The following TEX101 variants were observed in gnomAD, a reference collection of about 807,000 sequenced individuals.
TEX101 encodes testis-expressed protein 101.
Under a neutral mutation model 18.1 loss-of-function variants are expected in TEX101, and 10 were observed. The observed-to-expected ratio is 0.55, with a 90% CI of 0.34 to 0.94. The LOEUF (loss-of-function observed/expected upper bound fraction) is 0.94, where lower values mean the gene tolerates loss of function less well. Ranked by LOEUF, TEX101 falls within the 40% of genes least tolerant of loss-of-function variation. The probability of loss-of-function intolerance (pLI) is 0.02; values close to 1 mark genes in which losing one functional copy is unlikely to be tolerated. For missense variants in TEX101, 259 were observed against 298.9 expected (o/e 0.87, Z 0.98); for synonymous variants, 94 against 114.8 (o/e 0.82, Z 1.16).
At chr19:43,417,848 C>T in intron 4 of TEX101, 30 bp from the exon 5 acceptor site, 1 of 1,613,242 alleles carries the variant, frequency 6.2e-7, no homozygotes, top group African/African-American at 1.3e-5. Flanking sequence ...GCAGGACCTG[C>T]CCTTAACTGT....
chr19:43,413,193 C>T (rs1023112951), upstream of TEX101, among the ~76,000 whole-genome samples: 6 of 152,164 alleles, frequency 3.9e-5, no homozygotes, highest in African/African-American at 7.2e-5. Flanking sequence ...GTGGACCCCT[C>T]GAAGTTGTAA....
At chr19:43,410,132 G>A (rs938175591), upstream of TEX101, among the ~76,000 whole-genome samples, 1 of 152,222 alleles carries the variant, frequency 6.6e-6, no homozygotes, top group African/African-American at 2.4e-5. Flanking sequence ...TTTACAAGTA[G>A]GAAGGAAAAG....
chr19:43,410,964 C>G (rs769624604), upstream of TEX101, among the ~76,000 whole-genome samples: 2 of 152,174 alleles, frequency 1.3e-5, no homozygotes, highest in African/African-American at 4.8e-5. Context: ...GCAACCTCCA[C>G]CTCCTGGGCT....
the TEX101 span, among the ~76,000 whole-genome samples, chr19:43,391,050 C>T: frequency 1.3e-5 from 2 of 152,194 alleles, no homozygotes; most frequent in East Asian, 1.9e-4. Flanking sequence ...GCTCAAGGCT[C>T]ATTCATGTTG....
At chr19:43,393,107 A>AAGGAAGGAAGGAAGGAAGGAAGGAAG in the TEX101 span, among the ~76,000 whole-genome samples, 1,266 of 77,804 alleles carry the variant, frequency 0.016, 22 homozygotes, top group East Asian at 0.017. Flanking sequence ...AAGGAAGGAA[A>AAGGAAGGAAGGAAGGAAGGAAGGAAG]GAAAGAAGGA....
rs747112530 is a variant in TEX101 at position 43,416,207 on chromosome 19, C to T, written c.173C>T (p.Ala58Val). The T allele has an allele frequency of 2.5e-6, 4 of 1,611,884 alleles. No homozygotes were observed. The highest frequency in any genetic ancestry group is 3.4e-6 in the Non-Finnish European group (4 of 1,179,252). The change falls in exon 3 of 6, where the codon GCA (alanine) becomes GTA (valine). Residue 58 changes from alanine (A) to valine (V), a missense_variant. Physicochemically the swap from Ala to Val is moderately conservative, Grantham distance 64. Coordinates refer to ENST00000598265, the MANE Select transcript of TEX101 (RefSeq NM_001130011.3). The part of the protein sequence containing the change: ...TEEVETCDKG[A>V]LCQETILIIK... ...GAAGTGGAGACTTGTGACAAAGGGG[C>T]ACTTTGCCAGGAAACCATACTAATA...
intron 1 of TEX101, among the ~76,000 whole-genome samples, chr19:43,415,321 G>C (rs1283096645): frequency 6.6e-6 from 1 of 152,100 alleles, no homozygotes; most frequent in Non-Finnish European, 1.5e-5. Context: ...CCACACTCCT[G>C]ATCCTGAAGT....
chr19:43,400,077 A>G (rs542910006), upstream of TEX101, among the ~76,000 whole-genome samples: 23 of 152,238 alleles, frequency 1.5e-4, no homozygotes, highest in African/African-American at 5.5e-4. Flanking sequence ...AGCCTCCCAA[A>G]GTGCTGGGAT....
At chr19:43,401,287 C>T (rs114785203), upstream of TEX101, among the ~76,000 whole-genome samples, 117 of 152,278 alleles carry the variant, frequency 7.7e-4, no homozygotes, top group Middle Eastern at 3.4e-3. Flanking sequence ...TGTCTTGAAA[C>T]GCTGAAAGCA....
chr19:43,414,951 T>C lies in TEX101; in HGVS notation c.-127T>C. 1.0e-6 allele frequency: 1 copy of C among 985,428 alleles called. No homozygotes were observed. The highest frequency in any genetic ancestry group is 1.7e-5 in the African/African-American group (1 of 57,368). The allele number at this position is 985,428 out of a possible 1,614,324, so 61.0% of individuals were successfully genotyped here. A position where few individuals can be genotyped will look rare whatever the true frequency, so the allele number is the denominator to read the frequency against. ...CCTCAACTTTGGCGTCGTGAGATTCTTGTGAGGCGTCTGCCTGGAAGCCGG... is the reference window on the plus strand; with the variant it reads ...CCTCAACTTTGGCGTCGTGAGATTCCTGTGAGGCGTCTGCCTGGAAGCCGG... On this transcript the variant is annotated 5_prime_UTR_variant, in exon 1 of 6. Coordinates refer to ENST00000598265, the MANE Select transcript of TEX101 (RefSeq NM_001130011.3).
upstream of TEX101, among the ~76,000 whole-genome samples, chr19:43,412,112 G>C (rs2122338180): frequency 6.6e-6 from 1 of 152,312 alleles, no homozygotes; most frequent in Non-Finnish European, 1.5e-5. Context: ...CTGCTATAAA[G>C]AAATACCTGA....
At chr19:43,417,783 C>T in intron 4 of TEX101, 95 bp from the exon 5 acceptor site, 3 of 1,507,146 alleles carry the variant, frequency 2.0e-6, no homozygotes, top group Non-Finnish European at 2.7e-6. Flanking sequence ...ATTAGAGTGG[C>T]ATCTGCAGGA....
the TEX101 span, among the ~76,000 whole-genome samples, chr19:43,392,454 C>A: frequency 6.6e-6 from 1 of 152,102 alleles, no homozygotes; most frequent in Non-Finnish European, 1.5e-5. Context: ...ATTTGGGTGT[C>A]TCCTTAGATT....
Position 43,418,468 on chromosome 19 carries a change from C to T in TEX101, c.*71C>T. On this transcript the variant is annotated 3_prime_UTR_variant, in exon 6 of 6. Coordinates refer to ENST00000598265, the MANE Select transcript of TEX101 (RefSeq NM_001130011.3). Reference sequence around the variant, plus strand: ...GAGCCTTCTTACTGTTGAGGTTCAACAAGCTGAGGAGTAGATGGGAATTTG... The same window carrying T: ...GAGCCTTCTTACTGTTGAGGTTCAATAAGCTGAGGAGTAGATGGGAATTTG... The T allele has an allele frequency of 7.7e-7, 1 of 1,295,288 alleles. No homozygotes were observed. The highest frequency in any genetic ancestry group is 1.1e-6 in the Non-Finnish European group (1 of 918,008). 80.2% of individuals were successfully genotyped at this position (1,295,288 alleles called of 1,614,324 possible).
At chr19:43,404,056 C>G (rs1599897188) in intron 2 of TEX101, among the ~76,000 whole-genome samples, 1 of 106,086 alleles carries the variant, frequency 9.4e-6, no homozygotes, top group Non-Finnish European at 1.9e-5. Flanking sequence ...AAAAGATGGT[C>G]AAAAGTGTGT....
chr19:43,413,426 C>T (rs1263113474), upstream of TEX101, among the ~76,000 whole-genome samples: 1 of 149,156 alleles, frequency 6.7e-6, no homozygotes, highest in African/African-American at 2.5e-5. Context: ...GGCATGAAGT[C>T]GGGAGGCAGA....
the TEX101 span, among the ~76,000 whole-genome samples, chr19:43,390,788 C>T: frequency 8.2e-6 from 1 of 122,016 alleles, no homozygotes; most frequent in South Asian, 2.8e-4. Context: ...TTTAAGTGTA[C>T]ATCCAGTGGC....
chr19:43,403,424 G>T (rs1469616262), intron 2 of TEX101, among the ~76,000 whole-genome samples: 1 of 152,028 alleles, frequency 6.6e-6, no homozygotes, highest in Non-Finnish European at 1.5e-5. Flanking sequence ...TTGGACACCG[G>T]GGCCTGTCTT....
chr19:43,413,388 G>C (rs757307334), upstream of TEX101, among the ~76,000 whole-genome samples: 3 of 151,632 alleles, frequency 2.0e-5, no homozygotes, highest in Non-Finnish European at 2.9e-5. Flanking sequence ...TGTAGTCCCA[G>C]CTACTCGGGA....
Sources: allele counts gnomAD v4.1 joint callset (sites outside exome capture counted in the v4.1 genomes callset), GRCh38; gene constraint gnomAD v4.1.1; transcripts MANE v1.5; gene names NCBI Gene and HGNC (gene_info 2026-07-23, HGNC 2026-07-21).